Variants in ROBO2 observed in about 807,000 individuals in gnomAD.
ROBO2 encodes roundabout guidance receptor 2.
Under a neutral mutation model 160.8 loss-of-function variants are expected in ROBO2, and 53 were observed. That is an observed-to-expected ratio of 0.33 (90% CI 0.26 to 0.41). ROBO2 has a LOEUF of 0.41. Ranked by LOEUF, ROBO2 falls within the 10% of genes least tolerant of loss-of-function variation. ROBO2 has a pLI of 1.00. For missense variants in ROBO2, 1,577 were observed against 1,722.4 expected, an observed-to-expected ratio of 0.92 and a Z score of 1.49; for synonymous variants, 664 against 611.7, an observed-to-expected ratio of 1.09 and a Z score of -1.26.
At chr3:76,511,942 C>G (rs1398594611) in intron 2 of ROBO2, among the ~76,000 whole-genome samples, 4 of 152,104 alleles carry the variant, frequency 2.6e-5, no homozygotes, top group African/African-American at 9.7e-5. Flanking sequence ...GGTTGTGAAT[C>G]AAGTTGAGCA....
chr3:76,443,837 C>T (rs1250780427), intron 2 of ROBO2, among the ~76,000 whole-genome samples: 1 of 152,144 alleles, frequency 6.6e-6, no homozygotes, highest in African/African-American at 2.4e-5. Context: ...AATTTGAAAA[C>T]TTCTGCTGGT....
intron 2 of ROBO2, among the ~76,000 whole-genome samples, chr3:77,214,817 T>G (rs1316015999): frequency 2.0e-5 from 3 of 152,176 alleles, no homozygotes; most frequent in African/African-American, 4.8e-5. Flanking sequence ...TGTAAAGTAT[T>G]TTATTCCTCC....
chr3:76,271,955 C>T (rs563646043), intron 2 of ROBO2, among the ~76,000 whole-genome samples: 1 of 152,156 alleles, frequency 6.6e-6, no homozygotes, highest in Admixed American at 6.6e-5. Context: ...TTCTAGTTCC[C>T]ATTCTAGTTG....
chr3:76,791,366 G>A (rs975561709), intron 2 of ROBO2, among the ~76,000 whole-genome samples: 2 of 151,708 alleles, frequency 1.3e-5, no homozygotes, highest in African/African-American at 4.8e-5. Flanking sequence ...TGTGCCAAAG[G>A]TAGTCTGTGT....
At chr3:77,291,826 T>G (rs2061312321) in intron 2 of ROBO2, among the ~76,000 whole-genome samples, 2 of 150,276 alleles carry the variant, frequency 1.3e-5, no homozygotes, top group South Asian at 2.1e-4. Context: ...AAAGTAAAAT[T>G]GATGGTTAAA....
intron 2 of ROBO2, among the ~76,000 whole-genome samples, chr3:76,297,706 TAAAAA>T (rs71277576): frequency 1.4e-4 from 8 of 56,658 alleles, no homozygotes; most frequent in South Asian, 8.2e-4. Flanking sequence ...CTGCTTTCCT[TAAAAA>T]AAAAAAAAAA....
intron 2 of ROBO2, among the ~76,000 whole-genome samples, chr3:76,403,251 G>GT (rs1023493700): frequency 6.6e-6 from 1 of 151,420 alleles, no homozygotes; most frequent in Non-Finnish European, 1.5e-5. Flanking sequence ...ATTCAGCAAG[G>GT]TTTTTTTCTG....
At chr3:77,165,371 G>C (rs572671160) in intron 2 of ROBO2, among the ~76,000 whole-genome samples, 1,833 of 148,352 alleles carry the variant, frequency 0.012, 55 homozygotes, top group African/African-American at 0.043. Flanking sequence ...CAGCATGCTC[G>C]TTAAGAGTCA....
At chr3:76,068,268 G>A (rs2068328541) in intron 2 of ROBO2, among the ~76,000 whole-genome samples, 1 of 152,162 alleles carries the variant, frequency 6.6e-6, no homozygotes, top group South Asian at 2.1e-4. Context: ...GACAGTGAGA[G>A]CAGAAGGAGA....
chr3:77,139,629 G>T (rs1486097129), intron 2 of ROBO2, among the ~76,000 whole-genome samples: 2 of 152,200 alleles, frequency 1.3e-5, no homozygotes, highest in Non-Finnish European at 2.9e-5. Context: ...GTAAAGATCA[G>T]TGCATGCTCA....
At chr3:75,925,587 A>G (rs1947262230) in intron 1 of ROBO2, among the ~76,000 whole-genome samples, 1 of 152,202 alleles carries the variant, frequency 6.6e-6, no homozygotes, top group Admixed American at 6.5e-5. Flanking sequence ...AATTTGGTCC[A>G]ATACTTCCAG....
chr3:76,399,444 C>A (rs781612272), intron 2 of ROBO2, among the ~76,000 whole-genome samples: 16 of 151,650 alleles, frequency 1.1e-4, no homozygotes, highest in Admixed American at 4.0e-4. Context: ...ACTAAGCTCT[C>A]CAGGAATCTG....
chr3:76,765,553 T>C (rs2061533012), intron 2 of ROBO2, among the ~76,000 whole-genome samples: 1 of 151,614 alleles, frequency 6.6e-6, no homozygotes, highest in South Asian at 2.1e-4. Flanking sequence ...AAAGGTCCTA[T>C]AGCTACCACC....
intron 2 of ROBO2, among the ~76,000 whole-genome samples, chr3:76,783,920 T>A (rs2108638575): frequency 6.6e-6 from 1 of 151,232 alleles, no homozygotes; most frequent in South Asian, 2.1e-4. Context: ...TATTCTTTTA[T>A]CTTTTTATTC....
intron 4 of ROBO2, among the ~76,000 whole-genome samples, chr3:77,487,932 G>C (rs572882105): frequency 1.3e-5 from 2 of 152,236 alleles, no homozygotes; most frequent in East Asian, 3.9e-4. Flanking sequence ...ACTGAATACA[G>C]TTAAAAAGAG....
chr3:76,893,338 C>A (rs1200513306), intron 2 of ROBO2, among the ~76,000 whole-genome samples: 3 of 150,194 alleles, frequency 2.0e-5, no homozygotes. Flanking sequence ...ACGCACTACA[C>A]TGTAAGAAAA....
chr3:76,112,208 T>C (rs78602686), intron 2 of ROBO2, among the ~76,000 whole-genome samples: 1,696 of 152,278 alleles, frequency 0.011, 54 homozygotes, highest in East Asian at 0.099. Flanking sequence ...GTCCTTTTTT[T>C]TCATAGATTG....
intron 2 of ROBO2, among the ~76,000 whole-genome samples, chr3:77,329,248 G>A (rs892324938): frequency 2.0e-5 from 3 of 152,180 alleles, no homozygotes; most frequent in African/African-American, 7.2e-5. Flanking sequence ...GAAGCAATGG[G>A]CAAAACCAGC....
At chr3:77,202,938 C>T (rs1042595047) in intron 2 of ROBO2, among the ~76,000 whole-genome samples, 1 of 152,174 alleles carries the variant, frequency 6.6e-6, no homozygotes, top group African/African-American at 2.4e-5. Context: ...ACTTTTCCAG[C>T]AGAGATGCCC....
Sources: gnomAD v4.1 joint callset for allele counts (sites outside exome capture counted in the v4.1 genomes callset) on GRCh38, gnomAD v4.1.1 for gene constraint, MANE v1.5 for transcripts, NCBI Gene and HGNC (gene_info 2026-07-23, HGNC 2026-07-21) for gene names.